Variants in MARCHF10 observed in about 807,000 individuals in gnomAD.
The protein encoded by MARCHF10 is probable E3 ubiquitin-protein ligase MARCHF10.
In MARCHF10, 64 loss-of-function variants were observed where a neutral mutation model predicts 76.2. The ratio of observed to expected loss-of-function variants is 0.84; its 90% CI spans 0.69 to 1.03. The LOEUF (loss-of-function observed/expected upper bound fraction) is 1.03. Among genes scored for constraint, MARCHF10 ranks in the 50% least tolerant of loss-of-function variants. MARCHF10 has a pLI of 0.00. For synonymous variants in MARCHF10, 340 were observed against 357.5 expected, an observed-to-expected ratio of 0.95 and a Z score of 0.55; for missense variants, 875 against 958.0, an observed-to-expected ratio of 0.91 and a Z score of 1.14.
Position 62,745,105 on chromosome 17 carries a change from T to G in MARCHF10, c.383-577A>C, listed in dbSNP as rs140634505. 6.1e-4 allele frequency among the ~76,000 whole-genome samples: 93 copies of G among 151,704 alleles called. No homozygotes were observed. The East Asian group carries it at 0.017, about 27-fold the overall frequency. On this transcript the variant is annotated intron_variant, in intron 4 of 10. Transcript: ENST00000311269. ...TTTTGCTAAGAAGTTTTGTCTTTTT[T>G]TCTTTTTTTTTTTTTAAGATGGAGT... is the stretch of plus-strand genomic sequence containing the variant.
intron 1 of MARCHF10, among the ~76,000 whole-genome samples, chr17:62,805,325 G>A (rs1268510689): frequency 6.6e-6 from 1 of 152,194 alleles, no homozygotes; most frequent in Non-Finnish European, 1.5e-5. Flanking sequence ...ACAGGCAGAA[G>A]GATAAGCTCC....
At chr17:62,787,513 T>A (rs1288585368) in intron 3 of MARCHF10, among the ~76,000 whole-genome samples, 1 of 152,206 alleles carries the variant, frequency 6.6e-6, no homozygotes, top group Admixed American at 6.5e-5. Flanking sequence ...ATGCTAACAG[T>A]CAGTGTTGAA....
At chr17:62,704,874 G>A in intron 10 of MARCHF10, 1 of 945,334 alleles carries the variant, frequency 1.1e-6, no homozygotes, top group Non-Finnish European at 1.3e-6. Flanking sequence ...TGTTGATTCT[G>A]CCTCCTGATG....
At chr17:62,735,037 C>T (rs1356323034) in intron 6 of MARCHF10, 1 of 152,194 alleles carries the variant, frequency 6.6e-6, no homozygotes, top group East Asian at 1.9e-4. Flanking sequence ...AAAGTTACTT[C>T]ATTACTGGAG....
At chr17:62,788,674 G>A in intron 2 of MARCHF10, 75 bp from the exon 3 acceptor site, 1 of 1,581,690 alleles carries the variant, frequency 6.3e-7, no homozygotes, top group Admixed American at 1.7e-5. Flanking sequence ...TAACTCCAAT[G>A]GTGAGGAGCA....
At position 62,782,345 on chromosome 17, in the gene MARCHF10, C is replaced by CTTTTTTT. The variant is rs10676023; in HGVS notation, c.210+6128_210+6134dup. Among the ~76,000 whole-genome samples, 42 of 107,010 alleles carry CTTTTTTT rather than the reference C, an allele frequency of 3.9e-4. 1 individual carries two copies. In the East Asian group the frequency reaches 0.01, roughly 26 times the overall value. The allele number at this position is 107,010 out of a possible 152,430, so 70.2% of individuals were successfully genotyped here. On this transcript the variant is annotated intron_variant, in intron 3 of 10. Coordinates refer to ENST00000311269, the MANE Select transcript of MARCHF10 (RefSeq NM_152598.4). Reference sequence around the variant, plus strand: ...CTCTGAAGGTTTGCAAACAACTGTTCTTTTTTTTTTTTTTTTTTTTGAGAT... The same window carrying CTTTTTTT: ...CTCTGAAGGTTTGCAAACAACTGTTCTTTTTTTTTTTTTTTTTTTTTTTTTTTGAGAT...
chr17:62,708,398 G>A (rs2089722078), intron 9 of MARCHF10, among the ~76,000 whole-genome samples: 1 of 152,018 alleles, frequency 6.6e-6, no homozygotes, highest in Admixed American at 6.6e-5. Context: ...GGTGCACGCT[G>A]CCACGCCCGG....
At chr17:62,805,915 AAAT>A (rs1309577255) in intron 1 of MARCHF10, among the ~76,000 whole-genome samples, 1 of 130,570 alleles carries the variant, frequency 7.7e-6, no homozygotes, top group Non-Finnish European at 1.6e-5. Flanking sequence ...AAATAAAAAA[AAAT>A]AATAATAATA....
chr17:62,723,557 GAC>G, intron 7 of MARCHF10, among the ~76,000 whole-genome samples: 3 of 66,250 alleles, frequency 4.5e-5, no homozygotes, highest in African/African-American at 2.3e-4. Flanking sequence ...TTGTTCGCTT[GAC>G]TTTTTTTTTT....
At chr17:62,744,676 G>C (rs1183408723) in intron 4 of MARCHF10, 148 bp from the exon 5 acceptor site, 8 of 781,244 alleles carry the variant, frequency 1.0e-5, no homozygotes, top group Non-Finnish European at 1.2e-5. Flanking sequence ...TCACAGAAGA[G>C]CTGGATTTGA....
chr17:62,791,927 G>A (rs2092850433), intron 2 of MARCHF10, among the ~76,000 whole-genome samples: 1 of 152,080 alleles, frequency 6.6e-6, no homozygotes, highest in Admixed American at 6.5e-5. Context: ...ACCAATAGCG[G>A]CTTCCCTTAC....
At chr17:62,770,497 G>A (rs1597972737) in intron 3 of MARCHF10, among the ~76,000 whole-genome samples, 1 of 151,630 alleles carries the variant, frequency 6.6e-6, no homozygotes, top group East Asian at 1.9e-4. Context: ...CAGTATGTAA[G>A]TGTTCCCTAT....
intron 6 of MARCHF10, 112 bp downstream of exon 6, chr17:62,735,819 G>T: frequency 2.1e-6 from 2 of 931,490 alleles, no homozygotes; most frequent in Non-Finnish European, 3.2e-6. Context: ...CCACTAAAAT[G>T]TCAAGGAAGG....
chr17:62,774,171 C>A (rs1029115311), intron 3 of MARCHF10, among the ~76,000 whole-genome samples: 12 of 152,032 alleles, frequency 7.9e-5, no homozygotes, highest in Admixed American at 7.9e-4. Context: ...GATGATCCAG[C>A]GATTTTGGAG....
Position 62,736,355 on chromosome 17 carries a change from A to C in MARCHF10, c.1513T>G (p.Ser505Ala). The change falls in exon 6 of 11, where the codon TCA (serine) becomes GCA (alanine). Residue 505 changes from serine to alanine, a missense_variant. Physicochemically the swap from Ser to Ala is moderately conservative, Grantham distance 99. Coordinates refer to ENST00000311269, the MANE Select transcript of MARCHF10 (RefSeq NM_152598.4). ...AGTGGTTGGCAAACATGAAACCCTG[A>C]GTTTCCCTCTGAGTCTGAGCTGTGA... ...SVHSSDSEGNSGFHVCQPLSP... is the reference protein window; with the variant it reads ...SVHSSDSEGNAGFHVCQPLSP... 1 of 1,614,196 alleles carries C rather than the reference A, an allele frequency of 6.2e-7. No individual in the cohort carries two copies. Among genetic ancestry groups the C allele is most frequent in the Non-Finnish European group, 8.5e-7 (1 of 1,180,042 alleles).
In MARCHF10 at chr17:62,736,398, T is replaced by C; in HGVS notation, c.1470A>G (p.Ser490=). 6.2e-7 allele frequency: 1 copy of C among 1,614,194 alleles called. No homozygotes were observed. The highest frequency in any genetic ancestry group is 8.5e-7 in the Non-Finnish European group (1 of 1,180,032). ...ALRDDIPVDL[S]MSSTSVHSSD... ...AGCTGTGAACTGAAGTCGATGACAT[T>C]GACAAGTCTACTGGAATATCATCTC... The change falls in exon 6 of 11, where the codon TCA becomes TCG. Residue 490 remains serine, a synonymous_variant. Transcript: ENST00000311269.
rs1012113583 is a variant in MARCHF10 at position 62,774,986 on chromosome 17, G to A, written c.210+13494C>T. ...AGAGAATCACTTGAACCTCGGAGGC[G>A]GAGGTTGCAGTGAGCTGAGATCTTG... On this transcript the variant is annotated intron_variant, in intron 3 of 10. Coordinates refer to ENST00000311269, the MANE Select transcript of MARCHF10 (RefSeq NM_152598.4). Among the ~76,000 whole-genome samples the A allele has an allele frequency of 2.6e-5, 4 of 151,916 alleles. No homozygotes were observed. In the South Asian group the frequency reaches 6.3e-4, roughly 24 times the overall value.
intron 4 of MARCHF10, among the ~76,000 whole-genome samples, chr17:62,752,240 A>G (rs1054627507): frequency 1.3e-5 from 2 of 151,838 alleles, no homozygotes; most frequent in Non-Finnish European, 2.9e-5. Context: ...AGTCCCCCCA[A>G]CATCTCTCTT....
At chr17:62,746,992 C>G (rs538243291) in intron 4 of MARCHF10, 34 of 1,528,050 alleles carry the variant, frequency 2.2e-5, no homozygotes, top group Non-Finnish European at 3.0e-5. Context: ...TGGAAAAAAC[C>G]CTTACTTTCA....
Sources: gnomAD v4.1 joint callset for allele counts (sites outside exome capture counted in the v4.1 genomes callset) on GRCh38, gnomAD v4.1.1 for gene constraint, MANE v1.5 for transcripts, NCBI Gene and HGNC (gene_info 2026-07-23, HGNC 2026-07-21) for gene names.